Variants in FNBP1L observed in about 807,000 individuals in gnomAD.
FNBP1L encodes the protein formin-binding protein 1-like.
A neutral mutation model predicts 91.2 loss-of-function variants in FNBP1L; 36 were observed. The observed-to-expected ratio is 0.39, with a 90% CI of 0.30 to 0.52. The LOEUF (loss-of-function observed/expected upper bound fraction) is 0.52, where lower values mean the gene tolerates loss of function less well. Among genes scored for constraint, FNBP1L ranks in the 20% least tolerant of loss-of-function variants. The pLI, the probability that FNBP1L is intolerant of heterozygous loss-of-function variation, is 0.66. For missense variants in FNBP1L, 571 were observed against 732.1 expected (o/e 0.78, Z 2.54); for synonymous variants, 242 against 237.0 (o/e 1.02, Z -0.19).
At chr1:93,464,777 G>A (rs1301886468) in intron 1 of FNBP1L, among the ~76,000 whole-genome samples, 2 of 152,108 alleles carry the variant, frequency 1.3e-5, no homozygotes, top group Non-Finnish European at 2.9e-5. Flanking sequence ...TTCAAGATGT[G>A]AGCTATTTAC....
At chr1:93,494,921 C>G (rs1472491352) in intron 1 of FNBP1L, among the ~76,000 whole-genome samples, 1 of 152,164 alleles carries the variant, frequency 6.6e-6, no homozygotes, top group Non-Finnish European at 1.5e-5. Context: ...CATCAGATCT[C>G]ATGAGACTTA....
intron 15 of FNBP1L, among the ~76,000 whole-genome samples, chr1:93,550,501 C>T (rs977122037): frequency 1.3e-5 from 2 of 152,086 alleles, no homozygotes; most frequent in African/African-American, 4.8e-5. Context: ...GAGTCAAACC[C>T]GTATTTTTCT....
chr1:93,488,651 C>T (rs1257461622), intron 1 of FNBP1L, among the ~76,000 whole-genome samples: 1 of 152,192 alleles, frequency 6.6e-6, no homozygotes, highest in Non-Finnish European at 1.5e-5. Context: ...CTACTCTCCC[C>T]TCTTGCTCGC....
intron 6 of FNBP1L, 22 bp from the exon 7 acceptor site, chr1:93,530,733 A>G (rs1671644623): frequency 1.3e-6 from 2 of 1,590,432 alleles, no homozygotes; most frequent in Non-Finnish European, 1.7e-6. Flanking sequence ...GTTGATAATA[A>G]TTTCGACCAT....
At chr1:93,514,373 C>T (rs1670987639) in intron 2 of FNBP1L, among the ~76,000 whole-genome samples, 1 of 150,888 alleles carries the variant, frequency 6.6e-6, no homozygotes, top group African/African-American at 2.4e-5. Context: ...ATGCCATCCC[C>T]ATCAAGCTAC....
At chr1:93,494,507 C>T (rs1670200071) in intron 1 of FNBP1L, among the ~76,000 whole-genome samples, 1 of 152,078 alleles carries the variant, frequency 6.6e-6, no homozygotes, top group Admixed American at 6.5e-5. Context: ...AAGTTTCAAC[C>T]CTCAGATCAC....
At chr1:93,471,868 A>T (rs1161069039) in intron 1 of FNBP1L, among the ~76,000 whole-genome samples, 2 of 152,110 alleles carry the variant, frequency 1.3e-5, no homozygotes. Context: ...TTTTTATTTC[A>T]GTTGGCCTTT....
intron 1 of FNBP1L, among the ~76,000 whole-genome samples, chr1:93,492,802 A>G (rs908241905): frequency 5.3e-5 from 8 of 152,280 alleles, no homozygotes; most frequent in East Asian, 1.9e-4. Flanking sequence ...CCTAAAAAAT[A>G]AAATATAAAA....
intron 2 of FNBP1L, among the ~76,000 whole-genome samples, chr1:93,502,120 AT>A (rs1670457690): frequency 6.6e-6 from 1 of 152,194 alleles, no homozygotes; most frequent in Admixed American, 6.5e-5. Context: ...CAGTAACATG[AT>A]TTTATTGCTT....
intron 1 of FNBP1L, among the ~76,000 whole-genome samples, chr1:93,474,636 A>ATTTACTAG (rs1369430852): frequency 1.3e-5 from 2 of 152,150 alleles, no homozygotes; most frequent in African/African-American, 4.8e-5. Context: ...AGGTCTGGAG[A>ATTTACTAG]GTATATATTT....
chr1:93,469,317 T>C (rs934432075), intron 1 of FNBP1L, among the ~76,000 whole-genome samples: 2 of 150,942 alleles, frequency 1.3e-5, no homozygotes, highest in African/African-American at 4.9e-5. Context: ...CTCCTACTTA[T>C]GAGTGAGAGC....
At chr1:93,466,958 G>A (rs1299221426) in intron 1 of FNBP1L, among the ~76,000 whole-genome samples, 1 of 152,172 alleles carries the variant, frequency 6.6e-6, no homozygotes, top group Non-Finnish European at 1.5e-5. Flanking sequence ...CCAGATTCAA[G>A]CTATTCTCCT....
At chr1:93,494,081 G>A (rs1176471536) in intron 1 of FNBP1L, among the ~76,000 whole-genome samples, 2 of 152,112 alleles carry the variant, frequency 1.3e-5, no homozygotes, top group Non-Finnish European at 2.9e-5. Flanking sequence ...TCAATTGCAG[G>A]TCCTGGACTT....
At chr1:93,516,990 C>G (rs1418564115) in intron 2 of FNBP1L, among the ~76,000 whole-genome samples, 1 of 151,468 alleles carries the variant, frequency 6.6e-6, no homozygotes, top group East Asian at 1.9e-4. Context: ...AGAACAACTT[C>G]TTCTTCACCC....
chr1:93,550,908 C>G, intron 15 of FNBP1L, 39 bp from the exon 16 acceptor site: 2 of 1,471,748 alleles, frequency 1.4e-6, no homozygotes, highest in Non-Finnish European at 1.8e-6. Flanking sequence ...AAAAAATTAT[C>G]ACAATGCTTA....
At position 93,533,064 on chromosome 1, in the gene FNBP1L, G is replaced by T; in HGVS notation, c.782G>T (p.Arg261Ile). The T allele has an allele frequency of 6.3e-7, 1 of 1,595,988 alleles. No individual in the cohort carries two copies. Among genetic ancestry groups the T allele is most frequent in the South Asian group, 1.1e-5 (1 of 89,824 alleles). The change falls in exon 8 of 17, where the codon AGA becomes ATA. Residue 261 changes from arginine (R) to isoleucine (I), a missense_variant. Physicochemically the swap from Arg to Ile is moderately conservative, Grantham distance 97 (BLOSUM62 -3). Coordinates refer to ENST00000271234, the MANE Select transcript of FNBP1L (RefSeq NM_001164473.3). ...CTTGCAGCAAAATCAGTTGATGAAA[G>T]AAGAGTAAGTGCTAAATAATTATCT... ...MILAAKSVDE[R>I]RDSQMVVDSF...
At chr1:93,449,345 C>T (rs1432810280) in intron 1 of FNBP1L, among the ~76,000 whole-genome samples, 1 of 152,122 alleles carries the variant, frequency 6.6e-6, no homozygotes, top group Non-Finnish European at 1.5e-5. Flanking sequence ...GTCCCGAGAG[C>T]CGCCTGGCCT....
chr1:93,518,437 T>C (rs570516117), intron 2 of FNBP1L, among the ~76,000 whole-genome samples: 31 of 152,330 alleles, frequency 2.0e-4, no homozygotes, highest in African/African-American at 7.0e-4. Flanking sequence ...CTTTTTATTA[T>C]AAAAATTATT....
chr1:93,466,283 A>G (rs750386881), intron 1 of FNBP1L, among the ~76,000 whole-genome samples: 8 of 152,104 alleles, frequency 5.3e-5, no homozygotes, highest in East Asian at 1.9e-4. Flanking sequence ...GCCCGTGCCT[A>G]TGTCCTGAAA....
Sources: allele counts gnomAD v4.1 joint callset (sites outside exome capture counted in the v4.1 genomes callset), GRCh38; gene constraint gnomAD v4.1.1; transcripts MANE v1.5; gene names NCBI Gene and HGNC (gene_info 2026-07-23, HGNC 2026-07-21).